SH2D4B: variants seen among roughly 807,000 people sequenced by gnomAD.
SH2D4B encodes SH2 domain containing 4B.
Under a neutral mutation model 61.5 loss-of-function variants are expected in SH2D4B, and 45 were observed. The observed-to-expected ratio is 0.73, with a 90% confidence interval of 0.58 to 0.94. The LOEUF is 0.94. Among genes scored for constraint, SH2D4B ranks in the 40% least tolerant of loss-of-function variants. The pLI is 0.00. For synonymous variants in SH2D4B, 224 were observed against 220.4 expected (o/e 1.02, Z -0.14); for missense variants, 572 against 574.2 (o/e 1.00, Z 0.04).
intron 6 of SH2D4B, among the ~76,000 whole-genome samples, chr10:80,615,806 T>C (rs968612728): frequency 7.9e-5 from 12 of 152,188 alleles, no homozygotes; most frequent in African/African-American, 2.9e-4. Context: ...CACTAAAAAT[T>C]CGTGTTTAGC....
intron 1 of SH2D4B, among the ~76,000 whole-genome samples, chr10:80,543,375 G>A (rs570305342): frequency 7.5e-4 from 114 of 152,282 alleles, no homozygotes; most frequent in Non-Finnish European, 1.3e-3. Context: ...ACCGGCCCGG[G>A]GCAGTGAGGG....
chr10:80,586,955 C>T (rs1367687792), intron 3 of SH2D4B, among the ~76,000 whole-genome samples: 1 of 151,982 alleles, frequency 6.6e-6, no homozygotes, highest in Admixed American at 6.5e-5. Context: ...CGCAGCTTCA[C>T]TCCTGAGCCA....
rs1010891427 is a variant in SH2D4B, at chr10:80,538,632, G to A, written c.184+117G>A. On this transcript the variant is annotated intron_variant, in intron 1 of 7. Transcript: ENST00000646907. This position sits in a 1 kb window ranked among gnomAD's most constrained non-coding sequence, Gnocchi z 4.8. Reference sequence around the variant, plus strand: ...GGCACTGGGGTGATGAGGGCTGGGGGCTTGAAACCCTTGTCTTGTGGGCAT... The same window carrying A: ...GGCACTGGGGTGATGAGGGCTGGGGACTTGAAACCCTTGTCTTGTGGGCAT... 26 of 890,102 alleles carry A rather than the reference G, an allele frequency of 2.9e-5. No individual in the cohort carries two copies. The African/African-American group carries it at 3.8e-4, about 13-fold the overall frequency. The allele number at this position is 890,102 out of a possible 1,614,324, so 55.1% of individuals were successfully genotyped here.
At chr10:80,615,058 G>A (rs971448785) in intron 6 of SH2D4B, among the ~76,000 whole-genome samples, 1 of 152,240 alleles carries the variant, frequency 6.6e-6, no homozygotes, top group African/African-American at 2.4e-5. Flanking sequence ...CTGGGAGGCA[G>A]CAGCTGAGTG....
chr10:80,568,176 G>C (rs539192828), intron 1 of SH2D4B, among the ~76,000 whole-genome samples: 156 of 152,034 alleles, frequency 1.0e-3, no homozygotes, highest in African/African-American at 3.1e-3. Context: ...TCTTAATGTG[G>C]CTATGTTAGT....
At chr10:80,560,693 C>CTTTTTTT (rs58963330) in intron 1 of SH2D4B, among the ~76,000 whole-genome samples, 1 of 58,844 alleles carries the variant, frequency 1.7e-5, no homozygotes, top group African/African-American at 7.4e-5. Flanking sequence ...CCTGGCCAAG[C>CTTTTTTT]TTTTTTTTTT....
chr10:80,609,992 C>T (rs989851738), intron 6 of SH2D4B, among the ~76,000 whole-genome samples: 1 of 152,324 alleles, frequency 6.6e-6, no homozygotes, highest in Admixed American at 6.5e-5. Flanking sequence ...GTCACCCAAA[C>T]ATAGACTGTT....
chr10:80,610,605 AC>A (rs1157916534), intron 6 of SH2D4B, among the ~76,000 whole-genome samples: 2 of 151,892 alleles, frequency 1.3e-5, no homozygotes, highest in Non-Finnish European at 2.9e-5. Flanking sequence ...TTCAGCCCTC[AC>A]CCCTGCCTCT....
rs927959110 is a variant in SH2D4B at position 80,645,062 on chromosome 10, A to G, written c.*977A>G. 3 of 152,210 alleles carry G rather than the reference A, an allele frequency of 2.0e-5. No homozygotes were observed. The highest frequency in any genetic ancestry group is 4.8e-5 in the African/African-American group (2 of 41,456). The allele number at this position is 152,210 out of a possible 1,614,324, so 9.4% of individuals were successfully genotyped here. A position where few individuals can be genotyped will look rare whatever the true frequency, so the allele number is the denominator to read the frequency against. ...TCCACAGTTATGGCCATATACACAGAGGTAGTATATGATGAAGAGAAGATT... is the reference window on the plus strand; with the variant it reads ...TCCACAGTTATGGCCATATACACAGGGGTAGTATATGATGAAGAGAAGATT... On this transcript the variant is annotated 3_prime_UTR_variant, in exon 8 of 8. Coordinates refer to ENST00000646907, the MANE Select transcript of SH2D4B (RefSeq NM_001388272.1).
chr10:80,593,125 C>A (rs1221514359), intron 4 of SH2D4B, among the ~76,000 whole-genome samples: 1 of 152,146 alleles, frequency 6.6e-6, no homozygotes, highest in Admixed American at 6.5e-5. Flanking sequence ...TGAAATTGGG[C>A]AGTATGAGAC....
intron 6 of SH2D4B, among the ~76,000 whole-genome samples, chr10:80,625,470 G>A (rs1842758876): frequency 6.6e-6 from 1 of 151,896 alleles, no homozygotes; most frequent in African/African-American, 2.4e-5. Flanking sequence ...CTAATATGAT[G>A]TAAATGCTAT....
At chr10:80,543,304 T>TC (rs1841609892) in intron 1 of SH2D4B, among the ~76,000 whole-genome samples, 1 of 152,002 alleles carries the variant, frequency 6.6e-6, no homozygotes, top group Admixed American at 6.5e-5. Flanking sequence ...CAGCGCGAGT[T>TC]CCGGGGGGCG....
At chr10:80,639,452 T>TATGA (rs1840249777) in intron 7 of SH2D4B, among the ~76,000 whole-genome samples, 8 of 151,068 alleles carry the variant, frequency 5.3e-5, no homozygotes, top group Admixed American at 2.0e-4. Flanking sequence ...GGACTTGCTT[T>TATGA]ATCTGGGTGC....
chr10:80,621,327 T>A (rs1007461935), intron 6 of SH2D4B, among the ~76,000 whole-genome samples: 2 of 152,282 alleles, frequency 1.3e-5, no homozygotes, highest in African/African-American at 2.4e-5. Flanking sequence ...TATATTTTTA[T>A]CTACATCTCC....
intron 6 of SH2D4B, among the ~76,000 whole-genome samples, chr10:80,616,608 C>G (rs946789678): frequency 6.6e-6 from 1 of 151,818 alleles, no homozygotes; most frequent in African/African-American, 2.4e-5. Flanking sequence ...GGCTGTCTGT[C>G]TGGTGCACGA....
intron 3 of SH2D4B, among the ~76,000 whole-genome samples, chr10:80,575,210 AT>A (rs1842110815): frequency 6.7e-6 from 1 of 149,486 alleles, no homozygotes; most frequent in Non-Finnish European, 1.5e-5. Context: ...GTGGTAAAAT[AT>A]TAATAATTGG....
chr10:80,600,084 G>A (rs1842433989), intron 4 of SH2D4B, among the ~76,000 whole-genome samples: 1 of 152,146 alleles, frequency 6.6e-6, no homozygotes, highest in African/African-American at 2.4e-5. Context: ...GCCATGTACT[G>A]TCCCATTTAC....
At chr10:80,571,639 G>T in intron 3 of SH2D4B, 61 bp downstream of exon 3, 2 of 1,593,806 alleles carry the variant, frequency 1.3e-6, no homozygotes, top group Non-Finnish European at 1.7e-6. Context: ...GACCACTGGG[G>T]CTGACCTCTG....
At chr10:80,639,233 A>G (rs1175456042) in intron 7 of SH2D4B, among the ~76,000 whole-genome samples, 11 of 152,112 alleles carry the variant, frequency 7.2e-5, no homozygotes, top group Non-Finnish European at 1.2e-4. Context: ...GAATAAGTGC[A>G]ATGTGGTGCT....
Sources: gnomAD v4.1 joint callset for allele counts (sites outside exome capture counted in the v4.1 genomes callset) on GRCh38, gnomAD v4.1.1 for gene constraint, Gnocchi (gnomAD v3.1) non-coding constraint, MANE v1.5 for transcripts, NCBI Gene and HGNC (gene_info 2026-07-23, HGNC 2026-07-21) for gene names.